CXCL13: variants seen among roughly 807,000 people sequenced by gnomAD.
CXCL13 encodes the protein C-X-C motif chemokine 13.
Under a neutral mutation model 12.2 loss-of-function variants are expected in CXCL13, and 7 were observed. That is an observed-to-expected ratio of 0.57 (90% CI 0.33 to 1.07). CXCL13 has a LOEUF of 1.07. CXCL13 is among the 50% of genes least tolerant of loss of function. CXCL13 has a pLI of 0.04. For synonymous variants in CXCL13, 47 were observed against 42.4 expected, an observed-to-expected ratio of 1.11 and a Z score of -0.42; for missense variants, 113 against 127.4, an observed-to-expected ratio of 0.89 and a Z score of 0.55.
Position 77,611,621 on chromosome 4 carries a change from C to T in CXCL13, c.*582C>T, listed in dbSNP as rs1727158362. 1 of 398,404 alleles carries T rather than the reference C, an allele frequency of 2.5e-6. No homozygotes were observed. Among genetic ancestry groups the T allele is most frequent in the Non-Finnish European group, 4.4e-6 (1 of 225,862 alleles). The allele number at this position is 398,404 out of a possible 1,614,324, so 24.7% of individuals were successfully genotyped here. Reference sequence around the variant, plus strand: ...CTAAGATTAATAGCATTCGAAGATCCCCAGACTTCATAGAATACTCAGGGA... The same window carrying T: ...CTAAGATTAATAGCATTCGAAGATCTCCAGACTTCATAGAATACTCAGGGA... On this transcript the variant is annotated 3_prime_UTR_variant, in exon 4 of 4. Transcript: ENST00000682537.
intron 1 of CXCL13, among the ~76,000 whole-genome samples, chr4:77,529,804 A>T (rs1724861371): frequency 6.6e-6 from 1 of 152,198 alleles, no homozygotes; most frequent in African/African-American, 2.4e-5. Flanking sequence ...CAGAACTTCC[A>T]ACACTATGTT....
At chr4:77,598,869 A>G (rs887823584) in intron 1 of CXCL13, among the ~76,000 whole-genome samples, 8 of 151,862 alleles carry the variant, frequency 5.3e-5, no homozygotes, top group African/African-American at 1.9e-4. Context: ...GTACAATGGC[A>G]TGATCTCGGC....
rs1220520916 is a variant in CXCL13, at chr4:77,598,159, T to C, written c.-42-7665T>C. On this transcript the variant is annotated intron_variant, in intron 1 of 4. Coordinates refer to the CXCL13 transcript ENST00000286758. The stretch of plus-strand genomic sequence containing the variant: ...GTATACTGCCTCCAAAGGACTGGCA[T>C]GGAGCAAGGGGATCCCAGCAACAAG... Among the ~76,000 whole-genome samples the C allele has an allele frequency of 2.6e-5, 4 of 152,328 alleles. No individual in the cohort carries two copies. In the East Asian group the frequency reaches 7.7e-4, roughly 29 times the overall value.
chr4:77,599,594 G>A (rs1224399799), intron 1 of CXCL13, among the ~76,000 whole-genome samples: 1 of 152,190 alleles, frequency 6.6e-6, no homozygotes, highest in African/African-American at 2.4e-5. Context: ...CAGGCCCCTA[G>A]TGGTGGTCAA....
At chr4:77,530,613 T>C (rs111390108) in intron 1 of CXCL13, among the ~76,000 whole-genome samples, 1 of 152,342 alleles carries the variant, frequency 6.6e-6, no homozygotes, top group South Asian at 2.1e-4. Context: ...GTGGGATTGG[T>C]GGTGATATCC....
At chr4:77,534,374 A>G (rs1725007697) in intron 1 of CXCL13, among the ~76,000 whole-genome samples, 1 of 152,236 alleles carries the variant, frequency 6.6e-6, no homozygotes, top group Admixed American at 6.5e-5. Flanking sequence ...ATGGCTAAAC[A>G]ATGGCACATC....
At chr4:77,551,505 C>A (rs1035746072) in intron 1 of CXCL13, among the ~76,000 whole-genome samples, 4 of 152,158 alleles carry the variant, frequency 2.6e-5, no homozygotes, top group African/African-American at 7.2e-5. Context: ...AGCCTTTGTA[C>A]ATGATCTGAG....
At chr4:77,541,475 T>C (rs1725205493) in intron 1 of CXCL13, among the ~76,000 whole-genome samples, 1 of 152,214 alleles carries the variant, frequency 6.6e-6, no homozygotes, top group Non-Finnish European at 1.5e-5. Flanking sequence ...GGAAGTCCTT[T>C]CCACATTGCT....
intron 1 of CXCL13, among the ~76,000 whole-genome samples, chr4:77,521,406 T>C (rs1270996591): frequency 1.3e-5 from 2 of 152,180 alleles, no homozygotes; most frequent in African/African-American, 4.8e-5. Flanking sequence ...CTGTTATTGG[T>C]CTATTCAGAG....
intron 1 of CXCL13, among the ~76,000 whole-genome samples, chr4:77,523,780 G>T (rs1328789164): frequency 6.6e-6 from 1 of 152,198 alleles, no homozygotes; most frequent in Non-Finnish European, 1.5e-5. Context: ...ACCTTTGGAG[G>T]AGAAGAGGTC....
At chr4:77,562,920 T>A (rs1253520987) in intron 1 of CXCL13, among the ~76,000 whole-genome samples, 1 of 152,082 alleles carries the variant, frequency 6.6e-6, no homozygotes, top group Non-Finnish European at 1.5e-5. Flanking sequence ...TGGGGCCAGA[T>A]AAGGGAATAA....
chr4:77,576,704 A>G (rs1242017404), intron 1 of CXCL13, among the ~76,000 whole-genome samples: 1 of 152,204 alleles, frequency 6.6e-6, no homozygotes, highest in Admixed American at 6.5e-5. Context: ...AAAAAGTCCT[A>G]TCTGAGATTC....
chr4:77,550,192 T>C (rs924271266), intron 1 of CXCL13, among the ~76,000 whole-genome samples: 2 of 152,204 alleles, frequency 1.3e-5, no homozygotes, highest in African/African-American at 2.4e-5. Flanking sequence ...GCTAAGACCA[T>C]TGGAAAGGCA....
intron 1 of CXCL13, among the ~76,000 whole-genome samples, chr4:77,564,044 T>C (rs963445254): frequency 6.6e-6 from 1 of 152,206 alleles, no homozygotes; most frequent in Non-Finnish European, 1.5e-5. Context: ...AAATTCTTAA[T>C]AATTGTGAAC....
At chr4:77,601,894 T>TA (rs1304433878), upstream of CXCL13, among the ~76,000 whole-genome samples, 1 of 152,228 alleles carries the variant, frequency 6.6e-6, no homozygotes, top group Non-Finnish European at 1.5e-5. Context: ...GCCAGTCTGA[T>TA]TTCAGAGCCT....
intron 1 of CXCL13, among the ~76,000 whole-genome samples, chr4:77,594,832 AT>A (rs1726709240): frequency 6.6e-6 from 1 of 152,198 alleles, no homozygotes; most frequent in South Asian, 2.1e-4. Flanking sequence ...TGATGGGTTG[AT>A]AGGGGCAGCA....
At chr4:77,584,784 G>A (rs2109826959) in intron 1 of CXCL13, among the ~76,000 whole-genome samples, 1 of 152,298 alleles carries the variant, frequency 6.6e-6, no homozygotes, top group East Asian at 1.9e-4. Flanking sequence ...CTGCCCCTCA[G>A]GCGAGTGCTG....
chr4:77,544,123 C>A (rs144599020), intron 1 of CXCL13, among the ~76,000 whole-genome samples: 2,978 of 152,234 alleles, frequency 0.02, 102 homozygotes, highest in African/African-American at 0.068. Flanking sequence ...ACATGTGCAA[C>A]ATTTTCTTAA....
chr4:77,543,971 C>T (rs527696695), intron 1 of CXCL13, among the ~76,000 whole-genome samples: 10 of 152,192 alleles, frequency 6.6e-5, no homozygotes, highest in Admixed American at 6.5e-5. Context: ...TTGTTTAATT[C>T]CCACCTATGA....
Sources: allele counts gnomAD v4.1 joint callset (sites outside exome capture counted in the v4.1 genomes callset), GRCh38; gene constraint gnomAD v4.1.1; transcripts MANE v1.5; gene names NCBI Gene and HGNC (gene_info 2026-07-23, HGNC 2026-07-21).